SLC24A2: variants seen among roughly 807,000 people sequenced by gnomAD.
SLC24A2 encodes solute carrier family 24 member 2.
SLC24A2 carries 36 observed loss-of-function variants against 62.0 expected under a neutral mutation model. The observed-to-expected ratio is 0.58, with a 90% CI of 0.44 to 0.77. The LOEUF is 0.77. Among genes scored for constraint, SLC24A2 ranks in the 30% least tolerant of loss-of-function variants. The pLI is 0.00. For synonymous variants in SLC24A2, 358 were observed against 294.0 expected (o/e 1.22, Z -2.23); for missense variants, 846 against 817.9 (o/e 1.03, Z -0.42).
chr9:20,293,695 C>T, the SLC24A2 span, among the ~76,000 whole-genome samples: 2 of 152,316 alleles, frequency 1.3e-5, no homozygotes, highest in South Asian at 2.1e-4. Context: ...CTCCTATGAT[C>T]TATGACACTC....
the SLC24A2 span, among the ~76,000 whole-genome samples, chr9:20,062,367 A>C: frequency 1.4e-5 from 2 of 141,728 alleles, no homozygotes; most frequent in African/African-American, 5.5e-5. Flanking sequence ...TCTTTGACAA[A>C]CCTGAGAAAA....
At chr9:19,734,571 G>A (rs923221829) in intron 2 of SLC24A2, among the ~76,000 whole-genome samples, 1 of 152,156 alleles carries the variant, frequency 6.6e-6, no homozygotes, top group African/African-American at 2.4e-5. Flanking sequence ...TTGAGCAGTG[G>A]TTTGTAGTTC....
the SLC24A2 span, among the ~76,000 whole-genome samples, chr9:19,963,283 A>C: frequency 6.7e-6 from 1 of 149,458 alleles, no homozygotes; most frequent in Non-Finnish European, 1.5e-5. Flanking sequence ...AAACCTAGGC[A>C]ATACCATTCA....
chr9:20,017,477 G>T, the SLC24A2 span, among the ~76,000 whole-genome samples: 2 of 152,108 alleles, frequency 1.3e-5, no homozygotes, highest in African/African-American at 4.8e-5. Flanking sequence ...ATTAGTCAGG[G>T]TTCTCTAAAG....
intron 2 of SLC24A2, among the ~76,000 whole-genome samples, chr9:19,631,628 T>A (rs1818181542): frequency 6.6e-6 from 1 of 152,168 alleles, no homozygotes; most frequent in Admixed American, 6.6e-5. Flanking sequence ...AAGTTTTGAC[T>A]GCTGGCCATA....
At chr9:20,126,296 T>C in the SLC24A2 span, among the ~76,000 whole-genome samples, 1 of 152,212 alleles carries the variant, frequency 6.6e-6, no homozygotes, top group East Asian at 1.9e-4. Context: ...AAAATGTTCA[T>C]AGTTCTTCTA....
At chr9:20,178,634 A>G in the SLC24A2 span, among the ~76,000 whole-genome samples, 795 of 152,216 alleles carry the variant, frequency 5.2e-3, 5 homozygotes, top group Non-Finnish European at 8.5e-3. Flanking sequence ...AAAACTGCTG[A>G]TAAGGAGGAA....
the SLC24A2 span, among the ~76,000 whole-genome samples, chr9:20,034,402 T>C: frequency 6.6e-6 from 1 of 151,922 alleles, no homozygotes; most frequent in African/African-American, 2.4e-5. Context: ...TACAAATGGA[T>C]TCAGCTGCTG....
chr9:20,235,270 A>T, the SLC24A2 span, among the ~76,000 whole-genome samples: 1 of 152,180 alleles, frequency 6.6e-6, no homozygotes, highest in East Asian at 1.9e-4. Context: ...AGGGACATTT[A>T]AGTCTGCAGA....
the SLC24A2 span, among the ~76,000 whole-genome samples, chr9:20,239,234 T>A: frequency 2.0e-4 from 31 of 152,220 alleles, no homozygotes; most frequent in African/African-American, 7.5e-4. Context: ...CCAGTTACAT[T>A]TGAATTTCAG....
At chr9:20,293,551 G>A in the SLC24A2 span, among the ~76,000 whole-genome samples, 1 of 152,186 alleles carries the variant, frequency 6.6e-6, no homozygotes, top group Non-Finnish European at 1.5e-5. Flanking sequence ...TATTCCTAAG[G>A]AAGCACTGTT....
chr9:19,546,017 A>G (rs201446633), intron 8 of SLC24A2, among the ~76,000 whole-genome samples: 18 of 152,288 alleles, frequency 1.2e-4, no homozygotes, highest in African/African-American at 3.8e-4. Context: ...GTTTGCCTGG[A>G]TATCACCAGA....
At chr9:19,886,480 G>A in the SLC24A2 span, among the ~76,000 whole-genome samples, 1 of 149,852 alleles carries the variant, frequency 6.7e-6, no homozygotes, top group Admixed American at 6.6e-5. Context: ...GATCATTAGA[G>A]AAATGCAAAT....
At chr9:19,911,750 T>C in the SLC24A2 span, among the ~76,000 whole-genome samples, 2 of 152,160 alleles carry the variant, frequency 1.3e-5, no homozygotes, top group African/African-American at 2.4e-5. Flanking sequence ...GCCTGTCCTA[T>C]GGTAGGAACT....
intron 2 of SLC24A2, among the ~76,000 whole-genome samples, chr9:19,782,046 C>A (rs540481799): frequency 1.3e-5 from 2 of 152,268 alleles, no homozygotes; most frequent in South Asian, 4.2e-4. Context: ...AGTAGTCTGG[C>A]CCTCCAACTA....
the SLC24A2 span, among the ~76,000 whole-genome samples, chr9:20,188,744 T>C: frequency 3.9e-5 from 6 of 152,124 alleles, no homozygotes; most frequent in Middle Eastern, 3.4e-3. Context: ...GAAGATGGCC[T>C]CTAGAAACTG....
chr9:19,927,811 G>A, the SLC24A2 span: 1 of 152,240 alleles, frequency 6.6e-6, no homozygotes, highest in African/African-American at 2.4e-5. Context: ...AATGGGGTGT[G>A]AACTGAAACC....
chr9:19,776,717 T>G (rs960047771), intron 2 of SLC24A2, among the ~76,000 whole-genome samples: 1 of 152,192 alleles, frequency 6.6e-6, no homozygotes. Context: ...TACATGTAAG[T>G]CAGTTAAGAA....
intron 2 of SLC24A2, among the ~76,000 whole-genome samples, chr9:19,629,371 G>T (rs1818119719): frequency 6.6e-6 from 1 of 152,142 alleles, no homozygotes; most frequent in Non-Finnish European, 1.5e-5. Flanking sequence ...AGAAAATAGT[G>T]GCAAGTGATT....
Sources: allele counts gnomAD v4.1 joint callset (sites outside exome capture counted in the v4.1 genomes callset), GRCh38; gene constraint gnomAD v4.1.1; transcripts MANE v1.5; gene names NCBI Gene and HGNC (gene_info 2026-07-23, HGNC 2026-07-21).